The following SLC35F1 variants were observed in gnomAD, a reference collection of about 807,000 sequenced individuals.
The protein encoded by SLC35F1 is solute carrier family 35 member F1.
Under a neutral mutation model 48.7 loss-of-function variants are expected in SLC35F1, and 14 were observed. That is an observed-to-expected ratio of 0.29 (90% CI 0.19 to 0.45). The LOEUF is 0.45. Ranked by LOEUF, SLC35F1 falls within the 20% of genes least tolerant of loss-of-function variation. The pLI is 1.00. For missense variants in SLC35F1, 404 were observed against 500.0 expected (o/e 0.81, Z 1.83); for synonymous variants, 190 against 202.2 (o/e 0.94, Z 0.51).
intron 3 of SLC35F1, among the ~76,000 whole-genome samples, chr6:118,241,930 TC>T (rs1775446391): frequency 6.6e-6 from 1 of 152,244 alleles, no homozygotes; most frequent in South Asian, 2.1e-4. Flanking sequence ...TTGAGTAGTA[TC>T]CCCTGGTAGG....
At chr6:118,039,718 A>G in intron 1 of SLC35F1, among the ~76,000 whole-genome samples, 1 of 132,710 alleles carries the variant, frequency 7.5e-6, no homozygotes, top group East Asian at 2.2e-4. Context: ...TTTCATTCAG[A>G]TTTTCTGTTC....
chr6:118,152,313 CAG>C (rs1293767466), intron 1 of SLC35F1, among the ~76,000 whole-genome samples: 5 of 152,158 alleles, frequency 3.3e-5, no homozygotes, highest in African/African-American at 9.7e-5. Flanking sequence ...ATAAGGGAAA[CAG>C]AGGGTCAGGT....
At chr6:117,943,339 G>A (rs1042813402) in intron 1 of SLC35F1, among the ~76,000 whole-genome samples, 4 of 152,168 alleles carry the variant, frequency 2.6e-5, no homozygotes, top group South Asian at 2.1e-4. Flanking sequence ...CTTATAAGTC[G>A]GAATTTAGGC....
At chr6:118,058,066 G>A (rs1314941243) in intron 1 of SLC35F1, among the ~76,000 whole-genome samples, 1 of 152,100 alleles carries the variant, frequency 6.6e-6, no homozygotes, top group Non-Finnish European at 1.5e-5. Context: ...ATCCCCTGGG[G>A]TGAAGGAAGA....
chr6:118,299,516 CAT>C (rs1328045106), intron 7 of SLC35F1, among the ~76,000 whole-genome samples: 2 of 152,094 alleles, frequency 1.3e-5, no homozygotes, highest in African/African-American at 4.8e-5. Context: ...ATTAAAATAA[CAT>C]TATCGGAATA....
At chr6:118,252,974 G>C (rs1775595277) in intron 3 of SLC35F1, among the ~76,000 whole-genome samples, 1 of 152,120 alleles carries the variant, frequency 6.6e-6, no homozygotes, top group African/African-American at 2.4e-5. Context: ...AGTTATGTTT[G>C]AGCCTTGATG....
intron 1 of SLC35F1, among the ~76,000 whole-genome samples, chr6:117,964,167 T>C (rs1368850068): frequency 1.3e-5 from 2 of 152,248 alleles, no homozygotes; most frequent in Admixed American, 1.3e-4. Flanking sequence ...TTCCTTTTTA[T>C]GGCTGCATAG....
intron 7 of SLC35F1, among the ~76,000 whole-genome samples, chr6:118,297,709 A>G (rs1273972430): frequency 7.2e-6 from 1 of 138,882 alleles, no homozygotes; most frequent in African/African-American, 2.8e-5. Context: ...ATAAGTTCTG[A>G]GAAATATATA....
chr6:118,178,853 A>G (rs555466578), intron 2 of SLC35F1, among the ~76,000 whole-genome samples: 1 of 152,280 alleles, frequency 6.6e-6, no homozygotes, highest in East Asian at 1.9e-4. Flanking sequence ...TCTCAAAACT[A>G]AACTTAGATA....
chr6:117,944,260 A>G (rs1776266871), intron 1 of SLC35F1, among the ~76,000 whole-genome samples: 3 of 152,148 alleles, frequency 2.0e-5, no homozygotes, highest in African/African-American at 7.2e-5. Flanking sequence ...ACTATATGCT[A>G]TCTGTATACA....
chr6:117,954,619 A>G (rs1470851370), intron 1 of SLC35F1, among the ~76,000 whole-genome samples: 4 of 152,210 alleles, frequency 2.6e-5, no homozygotes, highest in African/African-American at 7.2e-5. Context: ...TACAGAATTA[A>G]AATATCATAA....
rs1427807850 is a variant in SLC35F1, at chr6:117,923,584, T to C, written c.173+15685T>C. On this transcript the variant is annotated intron_variant, in intron 1 of 7. Transcript: ENST00000360388. ...ATATATACAAATACATATGTGTGTG[T>C]ATATATACATATGTGTATATATACA... is the stretch of plus-strand genomic sequence containing the variant. Among the ~76,000 whole-genome samples the C allele has an allele frequency of 9.6e-5, 6 of 62,434 alleles. No homozygotes were observed. In the South Asian group the frequency reaches 7.6e-3, roughly 79 times the overall value. The allele number at this position is 62,434 out of a possible 152,430, so 41.0% of individuals were successfully genotyped here.
chr6:118,056,466 C>G (rs912519345), intron 1 of SLC35F1, among the ~76,000 whole-genome samples: 2 of 152,106 alleles, frequency 1.3e-5, no homozygotes, highest in South Asian at 4.1e-4. Context: ...TTAGTTCAAT[C>G]GAACACAAAT....
At position 118,128,836 on chromosome 6, in the gene SLC35F1, T is replaced by G. The variant is rs538277930; in HGVS notation, c.174-25609T>G. Among the ~76,000 whole-genome samples, 39 of 151,892 alleles carry G rather than the reference T, an allele frequency of 2.6e-4. No homozygotes were observed. The South Asian group carries it at 5.2e-3, about 20-fold the overall frequency. Reference sequence around the variant, plus strand: ...TAATAAAAATAAATAAATAAATAAATAAAAGAAAAGAAAATAACCTGCCAT... The same window carrying G: ...TAATAAAAATAAATAAATAAATAAAGAAAAGAAAAGAAAATAACCTGCCAT... On this transcript the variant is annotated intron_variant, in intron 1 of 7. Transcript: ENST00000360388.
intron 6 of SLC35F1, among the ~76,000 whole-genome samples, chr6:118,282,717 G>C (rs532449550): frequency 4.5e-4 from 68 of 152,290 alleles, no homozygotes; most frequent in South Asian, 2.3e-3. Context: ...AGTTCACCTA[G>C]TTTCTAAATT....
At chr6:117,999,210 A>T in intron 1 of SLC35F1, 1 of 1,595,730 alleles carries the variant, frequency 6.3e-7, no homozygotes, top group Non-Finnish European at 8.5e-7. Flanking sequence ...GTAAAGCCCA[A>T]GGAGGTTAAG....
intron 1 of SLC35F1, among the ~76,000 whole-genome samples, chr6:117,965,469 CT>C (rs1455125266): frequency 6.6e-6 from 1 of 152,212 alleles, no homozygotes; most frequent in East Asian, 1.9e-4. Flanking sequence ...AGAAGTTTTC[CT>C]TCTGGCATTT....
intron 2 of SLC35F1, among the ~76,000 whole-genome samples, chr6:118,189,400 TTA>T (rs1774702415): frequency 6.6e-6 from 1 of 152,214 alleles, no homozygotes; most frequent in African/African-American, 2.4e-5. Context: ...TGGCCATTTT[TTA>T]TGTCTTCATT....
rs1170502050 is a variant in SLC35F1 at position 117,907,275 on chromosome 6, C to CT, written c.-449dup. 6.6e-6 allele frequency among the ~76,000 whole-genome samples: 1 copy of CT among 150,434 alleles called. No individual in the cohort carries two copies. Among genetic ancestry groups the CT allele is most frequent in the Non-Finnish European group, 1.5e-5 (1 of 67,600 alleles). On this transcript the variant is annotated 5_prime_UTR_variant, in exon 1 of 8. Transcript: ENST00000360388. ...TCACTCCGTGAGACACAGACGGTAGCTTTCCGACCGAGCGGGGCACAGGCT... is the reference window on the plus strand; with the variant it reads ...TCACTCCGTGAGACACAGACGGTAGCTTTTCCGACCGAGCGGGGCACAGGCT...
Sources: allele counts gnomAD v4.1 joint callset (sites outside exome capture counted in the v4.1 genomes callset), GRCh38; gene constraint gnomAD v4.1.1; transcripts MANE v1.5; gene names NCBI Gene and HGNC (gene_info 2026-07-23, HGNC 2026-07-21).